PTPRN2: variants seen among roughly 807,000 people sequenced by gnomAD.
The protein encoded by PTPRN2 is receptor-type tyrosine-protein phosphatase N2.
Under a neutral mutation model 118.8 loss-of-function variants are expected in PTPRN2, and 74 were observed. The ratio of observed to expected loss-of-function variants is 0.62; its 90% CI spans 0.52 to 0.76. PTPRN2 has a LOEUF of 0.76. Ranked by LOEUF, PTPRN2 falls within the 30% of genes least tolerant of loss-of-function variation. PTPRN2 has a pLI of 0.00. For synonymous variants in PTPRN2, 641 were observed against 608.0 expected, an observed-to-expected ratio of 1.05 and a Z score of -0.80; for missense variants, 1,481 against 1,394.4, an observed-to-expected ratio of 1.06 and a Z score of -0.99.
Position 157,620,803 on chromosome 7 carries a change from G to A in PTPRN2, c.2344+559C>T, listed in dbSNP as rs190919870. Among the ~76,000 whole-genome samples the A allele has an allele frequency of 3.2e-4, 48 of 152,270 alleles. 1 individual carries two copies. In the East Asian group the frequency reaches 7.9e-3, roughly 25 times the overall value. On this transcript the variant is annotated intron_variant, in intron 15 of 22. Transcript: ENST00000389418. ...CAGAGGGGGCAAGTCTGCTGCAGGC[G>A]GGGGGTGCCGGGAAGGAGAAGCGGA...
intron 12 of PTPRN2, among the ~76,000 whole-genome samples, chr7:157,735,461 G>A (rs188817840): frequency 6.6e-5 from 10 of 152,330 alleles, no homozygotes; most frequent in African/African-American, 2.4e-4. Context: ...ACACTCAACT[G>A]TGTGCAGCGG....
At chr7:158,256,840 C>G (rs754245865) in intron 3 of PTPRN2, among the ~76,000 whole-genome samples, 5 of 152,144 alleles carry the variant, frequency 3.3e-5, no homozygotes, top group Admixed American at 6.5e-5. Flanking sequence ...AATATAGTCT[C>G]TAAGAAATTG....
Position 157,745,791 on chromosome 7 carries a change from G to A in PTPRN2, c.1789-62854C>T, listed in dbSNP as rs141344497. Among the ~76,000 whole-genome samples the A allele has an allele frequency of 4.5e-3, 689 of 152,274 alleles. 4 individuals are homozygous for A. Among genetic ancestry groups the A allele is most frequent in the South Asian group, 8.1e-3 (39 of 4,828 alleles). On this transcript the variant is annotated intron_variant, in intron 12 of 22. Transcript: ENST00000389418. ...ACGATCTGGTTCCTACCCATTTCCAGGCAGTCGGTAAATGAAACCTAACAT... is the reference window on the plus strand; with the variant it reads ...ACGATCTGGTTCCTACCCATTTCCAAGCAGTCGGTAAATGAAACCTAACAT...
intron 11 of PTPRN2, among the ~76,000 whole-genome samples, chr7:157,962,122 A>C (rs1047182299): frequency 2.0e-5 from 3 of 152,372 alleles, no homozygotes; most frequent in Admixed American, 1.3e-4. Context: ...TTCAGTGAAG[A>C]AGAAAGTGGG....
intron 12 of PTPRN2, among the ~76,000 whole-genome samples, chr7:157,871,442 A>G (rs1438470114): frequency 6.6e-6 from 1 of 152,090 alleles, no homozygotes; most frequent in Non-Finnish European, 1.5e-5. Flanking sequence ...GTAAGATGTG[A>G]GAGTCCAAAA....
At position 157,953,465 on chromosome 7, in the gene PTPRN2, C is replaced by A. The variant is rs576609113; in HGVS notation, c.1724-54728G>T. Among the ~76,000 whole-genome samples, 3 of 152,024 alleles carry A rather than the reference C, an allele frequency of 2.0e-5. No homozygotes were observed. The highest frequency in any genetic ancestry group is 2.9e-5 in the Non-Finnish European group (2 of 67,988). ...TCCTCCCAGGATACAGCGGAGTGCCCGTCACCACCTGCCCACCTTCTTCAC... is the reference window on the plus strand; with the variant it reads ...TCCTCCCAGGATACAGCGGAGTGCCAGTCACCACCTGCCCACCTTCTTCAC... On this transcript the variant is annotated intron_variant, in intron 11 of 22. Transcript: ENST00000389418. The surrounding 1 kb of genome is among the most constrained non-coding windows in gnomAD (Gnocchi z 4.6).
chr7:158,123,508 T>G (rs1004050246), intron 9 of PTPRN2, among the ~76,000 whole-genome samples: 1 of 152,138 alleles, frequency 6.6e-6, no homozygotes, highest in Non-Finnish European at 1.5e-5. Flanking sequence ...GAGGTTTTGA[T>G]GCTTTGTGCA....
rs574878529 is a variant in PTPRN2 at position 157,717,512 on chromosome 7, C to G, written c.1789-34575G>C. On this transcript the variant is annotated intron_variant, in intron 12 of 22. Transcript: ENST00000389418. ...CGAGCCTGCAATTGACCGCGGAAGC[C>G]AGTGCCCTCCCTAGTTGGCAACGTT... Among the ~76,000 whole-genome samples, 8 of 152,392 alleles carry G rather than the reference C, an allele frequency of 5.2e-5. No individual in the cohort carries two copies. The East Asian group carries it at 5.8e-4, about 11-fold the overall frequency.
intron 1 of PTPRN2, among the ~76,000 whole-genome samples, chr7:158,506,349 G>A (rs573021971): frequency 2.0e-5 from 3 of 152,248 alleles, no homozygotes; most frequent in Admixed American, 2.0e-4. Context: ...CAGTGAGGCT[G>A]AGGATTGAAC....
intron 12 of PTPRN2, 139 bp from the exon 13 acceptor site, chr7:157,683,076 G>T (rs776573246): frequency 3.6e-5 from 26 of 725,420 alleles, no homozygotes; most frequent in Non-Finnish European, 5.3e-5. Flanking sequence ...ACAACGGGAG[G>T]GCCCTGCGGA....
intron 12 of PTPRN2, among the ~76,000 whole-genome samples, chr7:157,846,876 C>A (rs55740926): frequency 6.6e-6 from 1 of 151,412 alleles, no homozygotes; most frequent in South Asian, 2.1e-4. Context: ...TCACGTGTGC[C>A]CGATGTTTAC....
chr7:157,876,290 T>C (rs1020258615), intron 12 of PTPRN2, among the ~76,000 whole-genome samples: 2 of 152,122 alleles, frequency 1.3e-5, no homozygotes, highest in Admixed American at 1.3e-4. Context: ...GGGCTGACCC[T>C]GAAGGCAAAG....
At chr7:158,586,051 G>T (rs1172790061) in intron 1 of PTPRN2, among the ~76,000 whole-genome samples, 4 of 152,198 alleles carry the variant, frequency 2.6e-5, no homozygotes, top group African/African-American at 9.7e-5. Flanking sequence ...ATGGAAGGGT[G>T]AGGGCTTCAC....
At chr7:157,755,464 G>T (rs1050912554) in intron 12 of PTPRN2, among the ~76,000 whole-genome samples, 3 of 151,488 alleles carry the variant, frequency 2.0e-5, no homozygotes, top group Non-Finnish European at 4.4e-5. Context: ...GTGTCTTCAC[G>T]GGGGGGTTTG....
intron 3 of PTPRN2, among the ~76,000 whole-genome samples, chr7:158,207,686 G>A (rs181470055): frequency 1.2e-4 from 18 of 152,228 alleles, no homozygotes; most frequent in Admixed American, 7.8e-4. Flanking sequence ...ATACAAACAA[G>A]CCGAGATTTT....
At chr7:158,385,710 T>G (rs989114520) in intron 2 of PTPRN2, among the ~76,000 whole-genome samples, 2 of 152,204 alleles carry the variant, frequency 1.3e-5, no homozygotes, top group East Asian at 3.8e-4. Context: ...ACTGATGAGC[T>G]ACGTGATACC....
At chr7:157,844,317 G>A (rs768179235) in intron 12 of PTPRN2, among the ~76,000 whole-genome samples, 23 of 152,206 alleles carry the variant, frequency 1.5e-4, no homozygotes, top group Non-Finnish European at 2.1e-4. Context: ...TGTAGAAGCC[G>A]TCCAGGCCCC....
At chr7:158,539,950 G>T (rs73510537) in intron 1 of PTPRN2, 5 of 243,110 alleles carry the variant, frequency 2.1e-5, no homozygotes, top group African/African-American at 1.2e-4. Flanking sequence ...GGCTGGAACC[G>T]GACGGTGCAC....
rs72505571 is a variant in PTPRN2 at position 158,507,391 on chromosome 7, A to T, written c.113-17606T>A. Among the ~76,000 whole-genome samples the T allele has an allele frequency of 1.9e-3, 250 of 132,300 alleles. 6 individuals carry two copies. The East Asian group carries it at 0.041, about 22-fold the overall frequency. The allele number at this position is 132,300 out of a possible 152,430, so 86.8% of individuals were successfully genotyped here. A position where few individuals can be genotyped will look rare whatever the true frequency, so the allele number is the denominator to read the frequency against. Reference sequence around the variant, plus strand: ...AGGACCATCCAGGGGACAGCCCCGCACTAGGCAGGAAATTGCACAAACAGA... The same window carrying T: ...AGGACCATCCAGGGGACAGCCCCGCTCTAGGCAGGAAATTGCACAAACAGA... On this transcript the variant is annotated intron_variant, in intron 1 of 22. Coordinates refer to ENST00000389418, the MANE Select transcript of PTPRN2 (RefSeq NM_002847.5).
Sources: gnomAD v4.1 joint callset for allele counts (sites outside exome capture counted in the v4.1 genomes callset) on GRCh38, gnomAD v4.1.1 for gene constraint, Gnocchi (gnomAD v3.1) non-coding constraint, MANE v1.5 for transcripts, NCBI Gene and HGNC (gene_info 2026-07-23, HGNC 2026-07-21) for gene names.